Variants in NUP205 observed in about 807,000 individuals in gnomAD.
The protein encoded by NUP205 is nuclear pore complex protein Nup205.
Under a neutral mutation model 253.8 loss-of-function variants are expected in NUP205, and 76 were observed. The observed-to-expected ratio is 0.30, with a 90% confidence interval of 0.25 to 0.36. The LOEUF (loss-of-function observed/expected upper bound fraction) is 0.36. NUP205 is among the 10% of genes least tolerant of loss of function. The pLI is 1.00. For synonymous variants in NUP205, 832 were observed against 850.1 expected (o/e 0.98, Z 0.37); for missense variants, 2,162 against 2,425.5 (o/e 0.89, Z 2.28).
At position 135,625,280 on chromosome 7, in the gene NUP205, T is replaced by G. The variant is rs1044634723; in HGVS notation, c.4596T>G (p.Asp1532Glu). The change falls in exon 32 of 43, where the codon GAT becomes GAG. Residue 1532 changes from aspartate (D) to glutamate (E), a missense_variant. By Grantham distance (45) the Asp-to-Glu change is conservative. This residue lies in a region of NUP205 where 1,144 missense variants were observed against 1,280.9 expected (regional missense o/e 0.89). Coordinates refer to ENST00000285968, the MANE Select transcript of NUP205 (RefSeq NM_015135.3). The stretch of plus-strand genomic sequence containing the variant: ...TCCTCGTAGACAGCTTGGTAGAAGA[T>G]GACCGTACTTTGCAGAGCTTACTCA... The part of the protein sequence containing the change: ...LKVLVDSLVE[D>E]DRTLQSLLTP... The G allele has an allele frequency of 6.2e-7, 1 of 1,614,218 alleles. No individual in the cohort carries two copies. Among genetic ancestry groups the G allele is most frequent in the Non-Finnish European group, 8.5e-7 (1 of 1,180,038 alleles).
At chr7:135,587,457 T>C in intron 8 of NUP205, 118 bp from the exon 9 acceptor site, 1 of 473,562 alleles carries the variant, frequency 2.1e-6, no homozygotes, top group Non-Finnish European at 3.7e-6. Flanking sequence ...TAAAGTGGAA[T>C]AGATATTTAA....
intron 1 of NUP205, among the ~76,000 whole-genome samples, chr7:135,558,722 G>A (rs1017416766): frequency 3.9e-5 from 6 of 152,148 alleles, no homozygotes; most frequent in African/African-American, 1.4e-4. Flanking sequence ...CATAGTAGGC[G>A]GGGCAAGGAT....
At chr7:135,563,742 T>C (rs1464347773) in intron 1 of NUP205, among the ~76,000 whole-genome samples, 1 of 152,130 alleles carries the variant, frequency 6.6e-6, no homozygotes, top group Non-Finnish European at 1.5e-5. Context: ...CCTAGCACTT[T>C]AGGAGGCTGA....
At chr7:135,619,287 A>G in intron 28 of NUP205, 136 bp from the exon 29 acceptor site, 1 of 878,762 alleles carries the variant, frequency 1.1e-6, no homozygotes, top group Non-Finnish European at 1.8e-6. Flanking sequence ...GGCTGAAGTG[A>G]GCTGAGATTA....
At chr7:135,564,041 G>A (rs1339776697) in intron 1 of NUP205, among the ~76,000 whole-genome samples, 2 of 151,790 alleles carry the variant, frequency 1.3e-5, no homozygotes, top group Admixed American at 1.3e-4. Flanking sequence ...AAGACAGATT[G>A]AAGATAACTC....
intron 3 of NUP205, among the ~76,000 whole-genome samples, chr7:135,575,481 T>C (rs1806126718): frequency 6.6e-6 from 1 of 151,976 alleles, no homozygotes; most frequent in Admixed American, 6.6e-5. Context: ...ACTGAAACTA[T>C]AGGCAAAGTA....
In NUP205 at chr7:135,576,419, T is replaced by C. The variant is rs138776220; in HGVS notation, c.488+5T>C. On this transcript the variant is annotated splice_donor_5th_base_variant and intron_variant, in intron 4 of 42. Coordinates refer to ENST00000285968, the MANE Select transcript of NUP205 (RefSeq NM_015135.3). Reference sequence around the variant, plus strand: ...GACATGGACCCTAGAACTCAGGTCTTTTTACTTCTTGGGATTTCAGGGGTT... The same window carrying C: ...GACATGGACCCTAGAACTCAGGTCTCTTTACTTCTTGGGATTTCAGGGGTT... 2,009 of 1,603,390 alleles carry C rather than the reference T, an allele frequency of 1.3e-3. 3 individuals are homozygous for C. The highest frequency in any genetic ancestry group is 1.5e-3 in the Non-Finnish European group (1,815 of 1,176,306).
intron 8 of NUP205, among the ~76,000 whole-genome samples, chr7:135,585,286 C>A (rs1343246117): frequency 1.3e-5 from 2 of 151,932 alleles, no homozygotes; most frequent in African/African-American, 4.8e-5. Flanking sequence ...GGTAAATGTT[C>A]TATGTACACC....
intron 8 of NUP205, among the ~76,000 whole-genome samples, chr7:135,585,880 T>G (rs943974068): frequency 1.2e-4 from 19 of 152,182 alleles, no homozygotes; most frequent in Admixed American, 2.6e-4. Flanking sequence ...ATAAAAGGGC[T>G]TCAGCATGGA....
intron 8 of NUP205, 120 bp downstream of exon 8, chr7:135,585,127 G>A (rs1806421338): frequency 2.7e-6 from 2 of 732,094 alleles, no homozygotes; most frequent in Non-Finnish European, 4.3e-6. Context: ...ACTAAAATTT[G>A]CCAGTAGCTG....
intron 17 of NUP205, 67 bp downstream of exon 17, chr7:135,601,574 A>G: frequency 6.6e-7 from 1 of 1,511,454 alleles, no homozygotes; most frequent in Non-Finnish European, 9.0e-7. Context: ...TAAACTGAGA[A>G]TTTGAAATAG....
At chr7:135,570,848 CATATATT>C (rs1376118062) in intron 1 of NUP205, among the ~76,000 whole-genome samples, 16 of 54,336 alleles carry the variant, frequency 2.9e-4, no homozygotes, top group African/African-American at 1.1e-3. Flanking sequence ...TTATATATTA[CATATATT>C]ATATATAAAT....
chr7:135,581,717 G>T (rs964206253), intron 7 of NUP205, among the ~76,000 whole-genome samples: 1 of 151,770 alleles, frequency 6.6e-6, no homozygotes, highest in Non-Finnish European at 1.5e-5. Flanking sequence ...GCCAAGCATG[G>T]TGGCGCGTGC....
chr7:135,567,921 G>T (rs1396327135), intron 1 of NUP205, among the ~76,000 whole-genome samples: 2 of 151,998 alleles, frequency 1.3e-5, no homozygotes, highest in African/African-American at 4.8e-5. Context: ...TTTAAATGGT[G>T]AGTCTAAAAT....
rs1794407629 is a variant in NUP205 at position 135,618,600 on chromosome 7, T to G, written c.3960T>G (p.Asp1320Glu). 6.3e-7 allele frequency: 1 copy of G among 1,589,278 alleles called. No homozygotes were observed. The highest frequency in any genetic ancestry group is 8.6e-7 in the Non-Finnish European group (1 of 1,167,668). ...GTGATATTTTACAAGATGTGCATGATAAGGTGACGTACTTCCTAAAATACT... is the reference window on the plus strand; with the variant it reads ...GTGATATTTTACAAGATGTGCATGAGAAGGTGACGTACTTCCTAAAATACT... ...IIRDILQDVH[D>E]KILDDEAAQE... Residue 1320 changes from aspartate to glutamate, a missense_variant, in exon 28 of 43, where the codon GAT (aspartate) becomes GAG (glutamate). By Grantham distance (45) the Asp-to-Glu change is conservative. Transcript: ENST00000285968.
chr7:135,617,298 T>G (rs1443159429), intron 26 of NUP205, 51 bp downstream of exon 26: 24 of 1,522,064 alleles, frequency 1.6e-5, no homozygotes, highest in Middle Eastern at 1.7e-4. Context: ...GCTCAGACTT[T>G]AAGTCATCAG....
intron 19 of NUP205, 94 bp from the exon 20 acceptor site, chr7:135,606,051 C>T: frequency 1.2e-6 from 1 of 841,872 alleles, no homozygotes; most frequent in Non-Finnish European, 1.9e-6. Context: ...CCTATTTTTC[C>T]TTATGGATGA....
At position 135,576,267 on chromosome 7, in the gene NUP205, T is replaced by A. The variant is rs762211091; in HGVS notation, c.344-3T>A. The A allele has an allele frequency of 1.2e-6, 2 of 1,611,496 alleles. No homozygotes were observed. The highest frequency in any genetic ancestry group is 1.7e-5 in the Admixed American group (1 of 59,600). ...AATATTATTTCTCAACTTCCTTTTT[T>A]AGGAGAGCATCAACAGCCACATTTT... On this transcript the variant is annotated splice_region_variant and splice_polypyrimidine_tract_variant and intron_variant, in intron 3 of 42. Transcript: ENST00000285968.
intron 22 of NUP205, among the ~76,000 whole-genome samples, chr7:135,613,334 A>G (rs746210980): frequency 1.3e-5 from 2 of 151,590 alleles, no homozygotes; most frequent in African/African-American, 4.8e-5. Context: ...TATTTAATAT[A>G]AGAACTTTTT....
Sources: allele counts gnomAD v4.1 joint callset (sites outside exome capture counted in the v4.1 genomes callset), GRCh38; gene constraint gnomAD v4.1.1; regional missense constraint gnomAD v4.1.1; transcripts MANE v1.5; gene names NCBI Gene and HGNC (gene_info 2026-07-23, HGNC 2026-07-21).